RNF216: variants seen among roughly 807,000 people sequenced by gnomAD.
The protein encoded by RNF216 is ring finger protein 216.
Under a neutral mutation model 110.8 loss-of-function variants are expected in RNF216, and 72 were observed. The observed-to-expected ratio is 0.65, with a 90% CI of 0.54 to 0.79. The LOEUF is 0.79. RNF216 is among the 30% of genes least tolerant of loss of function. The pLI is 0.00. For missense variants in RNF216, 1,342 were observed against 1,141.2 expected (o/e 1.18, Z -2.54); for synonymous variants, 495 against 407.5 (o/e 1.21, Z -2.59).
At chr7:5,706,500 C>T (rs1157614572) in intron 13 of RNF216, among the ~76,000 whole-genome samples, 1 of 152,216 alleles carries the variant, frequency 6.6e-6, no homozygotes, top group African/African-American at 2.4e-5. Flanking sequence ...CTATGACTGG[C>T]TAATTGCACT....
At position 5,651,697 on chromosome 7, in the gene RNF216, G is replaced by A. The variant is rs146307424; in HGVS notation, c.2159+716C>T. Among the ~76,000 whole-genome samples the A allele has an allele frequency of 7.5e-3, 1,136 of 151,802 alleles. 14 individuals carry two copies. Among genetic ancestry groups the A allele is most frequent in the African/African-American group, 0.026 (1,091 of 41,404 alleles). On this transcript the variant is annotated intron_variant, in intron 14 of 16. Transcript: ENST00000389902. ...CGGAGTCTCGCTCTGTTGGCAGGCTGGAGTGCACTGGCGCAATCTTGGCTC... is the reference window on the plus strand; with the variant it reads ...CGGAGTCTCGCTCTGTTGGCAGGCTAGAGTGCACTGGCGCAATCTTGGCTC...
intron 13 of RNF216, among the ~76,000 whole-genome samples, chr7:5,694,777 A>G (rs946930395): frequency 1.4e-4 from 21 of 152,204 alleles, no homozygotes; most frequent in African/African-American, 4.8e-4. Flanking sequence ...GCCAGGGTGC[A>G]CTGGGCAGAA....
intron 16 of RNF216, 124 bp from the exon 17 acceptor site, chr7:5,623,303 C>T (rs549270467): frequency 3.3e-5 from 25 of 750,258 alleles, no homozygotes; most frequent in Admixed American, 1.9e-4. Flanking sequence ...AAGCACAAAA[C>T]GTGGACACCT....
intron 14 of RNF216, 39 bp downstream of exon 14, chr7:5,652,374 G>T: frequency 7.0e-7 from 1 of 1,437,002 alleles, no homozygotes; most frequent in Non-Finnish European, 9.8e-7. Flanking sequence ...TGGGGAAGTT[G>T]AGAATCAGCC....
chr7:5,657,092 C>G (rs1788793317), intron 13 of RNF216, among the ~76,000 whole-genome samples: 1 of 152,250 alleles, frequency 6.6e-6, no homozygotes, highest in South Asian at 2.1e-4. Flanking sequence ...TCCATCCAGC[C>G]TTGTCTCAGA....
At chr7:5,638,014 G>A (rs934987039) in intron 15 of RNF216, among the ~76,000 whole-genome samples, 5 of 152,248 alleles carry the variant, frequency 3.3e-5, no homozygotes, top group South Asian at 2.1e-4. Context: ...TAGTGGCTGC[G>A]CAGCAGCCCC....
intron 13 of RNF216, among the ~76,000 whole-genome samples, chr7:5,710,383 AC>A (rs1354648407): frequency 6.6e-6 from 1 of 151,618 alleles, no homozygotes; most frequent in African/African-American, 2.4e-5. Context: ...AAAAACAAAA[AC>A]AAAAAACGTC....
intron 15 of RNF216, among the ~76,000 whole-genome samples, chr7:5,630,974 T>A (rs568643315): frequency 6.6e-6 from 1 of 152,160 alleles, no homozygotes; most frequent in East Asian, 1.9e-4. Context: ...ACTGGGGGCC[T>A]GAGAACACTG....
intron 15 of RNF216, among the ~76,000 whole-genome samples, chr7:5,626,562 C>A (rs1203287412): frequency 6.6e-6 from 1 of 151,350 alleles, no homozygotes; most frequent in African/African-American, 2.4e-5. Context: ...ACAAAAAATA[C>A]AAAATTTAGC....
intron 13 of RNF216, among the ~76,000 whole-genome samples, chr7:5,664,817 T>A (rs1281801901): frequency 6.6e-6 from 1 of 152,194 alleles, no homozygotes; most frequent in Admixed American, 6.5e-5. Context: ...TTTCTTGAGA[T>A]GAAGTTTTGC....
chr7:5,657,063 T>C (rs1469761517), intron 13 of RNF216, among the ~76,000 whole-genome samples: 2 of 152,254 alleles, frequency 1.3e-5, no homozygotes, highest in African/African-American at 4.8e-5. Context: ...CCATGCGTGC[T>C]AGATTTCAGT....
intron 13 of RNF216, among the ~76,000 whole-genome samples, chr7:5,657,433 G>A (rs1263691886): frequency 1.3e-5 from 2 of 152,288 alleles, no homozygotes; most frequent in East Asian, 3.9e-4. Flanking sequence ...TGGGCGTGGT[G>A]GCGCATGCCT....
At chr7:5,761,612 GC>G (rs1795938732) in intron 1 of RNF216, among the ~76,000 whole-genome samples, 1 of 152,006 alleles carries the variant, frequency 6.6e-6, no homozygotes, top group South Asian at 2.1e-4. Context: ...ATGGTGAAAT[GC>G]CAACTCTACT....
chr7:5,647,361 T>C (rs1297886307), intron 14 of RNF216, among the ~76,000 whole-genome samples: 10 of 140,372 alleles, frequency 7.1e-5, no homozygotes, highest in African/African-American at 2.1e-4. Flanking sequence ...TGAGATAGGG[T>C]CTTGCTCTGT....
chr7:5,627,521 G>A (rs1249442333), intron 15 of RNF216, among the ~76,000 whole-genome samples: 1 of 152,182 alleles, frequency 6.6e-6, no homozygotes, highest in East Asian at 1.9e-4. Context: ...GCTGAGGCAG[G>A]CGGACCACGA....
At position 5,740,992 on chromosome 7, in the gene RNF216, T is replaced by C; in HGVS notation, c.1025A>G (p.Glu342Gly). The C allele has an allele frequency of 6.2e-7, 1 of 1,606,518 alleles. No homozygotes were observed. The highest frequency in any genetic ancestry group is 8.5e-7 in the Non-Finnish European group (1 of 1,177,622). Residue 342 changes from glutamate (E) to glycine (G), a missense_variant, in exon 4 of 17, where the codon GAA (glutamate) becomes GGA (glycine). Coordinates refer to ENST00000389902, the MANE Select transcript of RNF216 (RefSeq NM_207111.4). ...EAAEVDQELV[E>G]LLVKETEARF... ...ACTTACCGTTTCTTTCACTAGTAGT[T>C]CAACGAGCTCTTGATCTACCTCTGC...
chr7:5,679,092 C>G (rs1790490448), intron 13 of RNF216, among the ~76,000 whole-genome samples: 1 of 152,204 alleles, frequency 6.6e-6, no homozygotes. Context: ...ACAGCAGCAG[C>G]TACCATTTAT....
At chr7:5,668,317 A>G (rs1789663408) in intron 13 of RNF216, among the ~76,000 whole-genome samples, 1 of 149,032 alleles carries the variant, frequency 6.7e-6, no homozygotes, top group East Asian at 2.0e-4. Context: ...TCCGCCTCCC[A>G]GGTTCACACC....
chr7:5,676,367 A>G (rs1453006315), intron 13 of RNF216, among the ~76,000 whole-genome samples: 3 of 152,190 alleles, frequency 2.0e-5, no homozygotes, highest in African/African-American at 7.2e-5. Flanking sequence ...AATTTTATGC[A>G]AACTTTTAAC....
Sources: gnomAD v4.1 joint callset for allele counts (sites outside exome capture counted in the v4.1 genomes callset) on GRCh38, gnomAD v4.1.1 for gene constraint, MANE v1.5 for transcripts, NCBI Gene and HGNC (gene_info 2026-07-23, HGNC 2026-07-21) for gene names.